Variants in HAUS1 observed in about 807,000 individuals in gnomAD.
HAUS1 encodes HAUS augmin like complex subunit 1.
HAUS1 carries 25 observed loss-of-function variants against 38.6 expected under a neutral mutation model. The observed-to-expected ratio is 0.65, with a 90% CI of 0.47 to 0.91. The LOEUF (loss-of-function observed/expected upper bound fraction) is 0.91. Ranked by LOEUF, HAUS1 falls within the 40% of genes least tolerant of loss-of-function variation. The pLI is 0.00. For missense variants in HAUS1, 325 were observed against 328.4 expected, an observed-to-expected ratio of 0.99 and a Z score of 0.08; for synonymous variants, 109 against 112.9, an observed-to-expected ratio of 0.97 and a Z score of 0.22.
At chr18:46,106,186 C>T (rs142794480) in intron 2 of HAUS1, among the ~76,000 whole-genome samples, 15 of 152,238 alleles carry the variant, frequency 9.9e-5, no homozygotes, top group African/African-American at 3.4e-4. Flanking sequence ...AAAGTGCATT[C>T]AAGGCCGGGC....
At position 46,105,556 on chromosome 18, in the gene HAUS1, G is replaced by A. The variant is rs777220046; in HGVS notation, c.205+188G>A. Reference sequence around the variant, plus strand: ...TTTATATATATGTATATGTATGTGTGTGTGTGTGTGTGTGTGTGTGTGTGT... The same window carrying A: ...TTTATATATATGTATATGTATGTGTATGTGTGTGTGTGTGTGTGTGTGTGT... On this transcript the variant is annotated intron_variant, in intron 2 of 8. Coordinates refer to ENST00000282058, the MANE Select transcript of HAUS1 (RefSeq NM_138443.4). The A allele has an allele frequency of 1.5e-4, 31 of 204,800 alleles. 1 individual carries two copies. In the South Asian group the frequency reaches 2.4e-3, roughly 16 times the overall value. 12.7% of individuals were successfully genotyped at this position (204,800 alleles called of 1,614,324 possible).
chr18:46,106,640 A>G (rs549309962), intron 2 of HAUS1: 3 of 152,316 alleles, frequency 2.0e-5, no homozygotes, highest in South Asian at 4.1e-4. Flanking sequence ...GGTATTTGTT[A>G]CATATGATAT....
intron 2 of HAUS1, among the ~76,000 whole-genome samples, chr18:46,116,686 G>A (rs1034222192): frequency 6.6e-6 from 1 of 151,924 alleles, no homozygotes; most frequent in Non-Finnish European, 1.5e-5. Context: ...ACAAAGCACG[G>A]CATCATTAGT....
intron 2 of HAUS1, among the ~76,000 whole-genome samples, chr18:46,108,407 G>A (rs1223813410): frequency 2.0e-5 from 3 of 151,492 alleles, no homozygotes; most frequent in Non-Finnish European, 4.4e-5. Flanking sequence ...AAAGTGCTGC[G>A]ATTTATAGGT....
chr18:46,125,648 G>T, intron 7 of HAUS1, 96 bp from the exon 8 acceptor site: 4 of 762,902 alleles, frequency 5.2e-6, no homozygotes, highest in Non-Finnish European at 6.6e-6. Flanking sequence ...CCCTCTGGGA[G>T]GATTTTTGCC....
At chr18:46,106,842 C>G (rs1328925747) in intron 2 of HAUS1, 1 of 151,952 alleles carries the variant, frequency 6.6e-6, no homozygotes. Context: ...TGGTAAAACC[C>G]CGTCTCTACT....
chr18:46,111,710 G>A (rs975662846), intron 2 of HAUS1, among the ~76,000 whole-genome samples: 5 of 151,616 alleles, frequency 3.3e-5, no homozygotes, highest in South Asian at 4.2e-4. Context: ...TGCCTGCCTC[G>A]GCCTCCCAAA....
intron 2 of HAUS1, among the ~76,000 whole-genome samples, chr18:46,110,336 T>TTTTG (rs1911590725): frequency 4.4e-5 from 5 of 113,792 alleles, no homozygotes; most frequent in African/African-American, 7.1e-5. Flanking sequence ...TTTTAAGGTT[T>TTTTG]TTTTTTTTTT....
chr18:46,116,118 G>A (rs1277213887), intron 2 of HAUS1, among the ~76,000 whole-genome samples: 1 of 151,612 alleles, frequency 6.6e-6, no homozygotes, highest in East Asian at 1.9e-4. Flanking sequence ...AAAGGGAAGG[G>A]AAGGGGAGGG....
intron 2 of HAUS1, among the ~76,000 whole-genome samples, chr18:46,110,945 C>T (rs1353946221): frequency 2.1e-5 from 3 of 143,138 alleles, no homozygotes; most frequent in Non-Finnish European, 4.5e-5. Flanking sequence ...GGCGCATTCT[C>T]GGCTCACTGC....
rs560020510 is a variant in HAUS1, at chr18:46,125,336, G to C, written c.739-408G>C. Among the ~76,000 whole-genome samples the C allele has an allele frequency of 3.7e-3, 557 of 151,986 alleles. 5 individuals carry two copies. Among genetic ancestry groups the C allele is most frequent in the African/African-American group, 0.012 (510 of 41,450 alleles). ...GAGGCCGAGACGGGCAGATCACGAG[G>C]TCAGGAGTTTGAGACCAGCCTGACC... is the stretch of plus-strand genomic sequence containing the variant. On this transcript the variant is annotated intron_variant, in intron 7 of 8. Transcript: ENST00000282058.
intron 2 of HAUS1, chr18:46,106,632 T>A (rs1367830755): frequency 6.6e-6 from 1 of 152,116 alleles, no homozygotes; most frequent in Admixed American, 6.6e-5. Context: ...AGATGTATGG[T>A]ATTTGTTACA....
At chr18:46,122,107 G>T (rs1285948641) in intron 4 of HAUS1, among the ~76,000 whole-genome samples, 1 of 152,152 alleles carries the variant, frequency 6.6e-6, no homozygotes, top group African/African-American at 2.4e-5. Flanking sequence ...CTCCCAAAAT[G>T]CTGGGATTAT....
intron 7 of HAUS1, among the ~76,000 whole-genome samples, chr18:46,125,354 G>T (rs1666830491): frequency 6.6e-6 from 1 of 151,890 alleles, no homozygotes; most frequent in East Asian, 1.9e-4. Flanking sequence ...TTTGAGACCA[G>T]CCTGACCAAC....
intron 8 of HAUS1, among the ~76,000 whole-genome samples, chr18:46,127,568 A>G (rs1463970586): frequency 6.6e-6 from 1 of 151,922 alleles, no homozygotes; most frequent in East Asian, 1.9e-4. Flanking sequence ...TTAGCCGGGC[A>G]TGGTGGTGGG....
At chr18:46,106,212 T>G (rs1911475278) in intron 2 of HAUS1, among the ~76,000 whole-genome samples, 1 of 152,202 alleles carries the variant, frequency 6.6e-6, no homozygotes, top group African/African-American at 2.4e-5. Flanking sequence ...GGCTTACGCC[T>G]GTAATCCCAG....
At chr18:46,113,614 G>C (rs375321287) in intron 2 of HAUS1, among the ~76,000 whole-genome samples, 6 of 152,098 alleles carry the variant, frequency 3.9e-5, no homozygotes, top group African/African-American at 1.4e-4. Context: ...GCTTATTATG[G>C]ATATTTGAAG....
intron 8 of HAUS1, 73 bp from the exon 9 acceptor site, chr18:46,128,002 T>C: frequency 1.1e-6 from 1 of 897,582 alleles, no homozygotes; most frequent in Non-Finnish European, 1.7e-6. Context: ...CTTCCCTTAT[T>C]TTAAATAACA....
intron 2 of HAUS1, among the ~76,000 whole-genome samples, chr18:46,113,520 C>T (rs1287186374): frequency 8.2e-6 from 1 of 121,420 alleles, no homozygotes; most frequent in Non-Finnish European, 1.8e-5. Flanking sequence ...AATTTCTCTT[C>T]ATTGATATTC....
Sources: gnomAD v4.1 joint callset for allele counts (sites outside exome capture counted in the v4.1 genomes callset) on GRCh38, gnomAD v4.1.1 for gene constraint, MANE v1.5 for transcripts, NCBI Gene and HGNC (gene_info 2026-07-23, HGNC 2026-07-21) for gene names.